Variants in MTERF2 observed in about 807,000 individuals in gnomAD.
MTERF2 encodes the protein mitochondrial transcription termination factor 2, also known as transcription termination factor 2, mitochondrial.
Under a neutral mutation model 29.2 loss-of-function variants are expected in MTERF2, and 23 were observed. The observed-to-expected ratio is 0.79, with a 90% CI of 0.57 to 1.12. The LOEUF (loss-of-function observed/expected upper bound fraction) is 1.12, where lower values mean the gene tolerates loss of function less well. Among genes scored for constraint, MTERF2 ranks in the 50% most tolerant of loss-of-function variants. The pLI is 0.00. For missense variants in MTERF2, 440 were observed against 429.4 expected (o/e 1.02, Z -0.22); for synonymous variants, 157 against 159.5 (o/e 0.98, Z 0.12).
rs763772541 is a variant in MTERF2, at chr12:106,978,130, A to G, written c.585T>C (p.Tyr195=). The G allele has an allele frequency of 3.2e-5, 51 of 1,614,060 alleles. No homozygotes were observed. The highest frequency in any genetic ancestry group is 5.5e-5 in the South Asian group (5 of 91,066). The part of the protein sequence containing the change: ...KQMVRILQES[Y]LDVGGSEANM... Reference sequence around the variant, plus strand: ...TGGCCTCAGAGCCACCTACATCTAGATAACTCTCTTGGAGAATTCTTACCA... The same window carrying G: ...TGGCCTCAGAGCCACCTACATCTAGGTAACTCTCTTGGAGAATTCTTACCA... The change falls in exon 3 of 3, where the codon TAT becomes TAC. Residue 195 remains tyrosine (Y), a synonymous_variant. Transcript: ENST00000240050.
intron 1 of MTERF2, 98 bp downstream of exon 1, chr12:106,986,871 G>A (rs1952124527): frequency 6.6e-6 from 1 of 152,426 alleles, no homozygotes; most frequent in Non-Finnish European, 1.5e-5. Context: ...GGCAGGCTGA[G>A]CTGAGCGTCT....
intron 2 of MTERF2, among the ~76,000 whole-genome samples, chr12:106,984,716 C>T (rs941168370): frequency 2.6e-5 from 4 of 152,112 alleles, no homozygotes; most frequent in African/African-American, 9.7e-5. Context: ...AGGGGAAACC[C>T]CTTTCGCTTG....
rs1429180844 is a variant in MTERF2 at position 106,978,137 on chromosome 12, T to C, written c.578A>G (p.Glu193Gly). The change falls in exon 3 of 3, where the codon GAG (glutamate) becomes GGG (glycine). Residue 193 changes from glutamate (E) to glycine (G), a missense_variant. Physicochemically the swap from Glu to Gly is moderately conservative, Grantham distance 98. Transcript: ENST00000240050. ...AGAGCCACCTACATCTAGATAACTC[T>C]CTTGGAGAATTCTTACCATTTGCTT... is the stretch of plus-strand genomic sequence containing the variant. ...KNKQMVRILQ[E>G]SYLDVGGSEA... 1 of 1,614,112 alleles carries C rather than the reference T, an allele frequency of 6.2e-7. No individual in the cohort carries two copies. The highest frequency in any genetic ancestry group is 8.5e-7 in the Non-Finnish European group (1 of 1,180,016).
intron 2 of MTERF2, among the ~76,000 whole-genome samples, chr12:106,984,009 G>A (rs114508224): frequency 0.014 from 2,077 of 152,170 alleles, 40 homozygotes; most frequent in African/African-American, 0.039. Context: ...CAGTGCCCTT[G>A]CCTCCTATCT....
chr12:106,982,534 T>A (rs926337826), intron 2 of MTERF2, among the ~76,000 whole-genome samples: 1 of 151,836 alleles, frequency 6.6e-6, no homozygotes, highest in Non-Finnish European at 1.5e-5. Context: ...TATTTGTATC[T>A]AATTTATCTT....
chr12:106,977,741 A>T lies in MTERF2; in HGVS notation c.974T>A (p.Leu325Ter), dbSNP rs1442485831. Reference protein sequence around the residue: ...QIRETPMVLELTPQIVQYRIR... With the variant: ...QIRETPMVLE ...CCTGTACTGTACTATCTGTGGTGTTAATTCAAGAACCATTGGCGTCTCTCT... is the reference window on the plus strand; with the variant it reads ...CCTGTACTGTACTATCTGTGGTGTTTATTCAAGAACCATTGGCGTCTCTCT... Residue 325 changes from leucine to a stop codon, truncating the protein, a stop_gained, in exon 3 of 3, where the codon TTA (leucine) becomes TAA (stop). Coordinates refer to ENST00000240050, the MANE Select transcript of MTERF2 (RefSeq NM_001033050.3). LOFTEE classifies it high-confidence loss of function. The T allele has an allele frequency of 5.6e-6, 9 of 1,613,980 alleles. No homozygotes were observed. The highest frequency in any genetic ancestry group is 1.3e-5 in the African/African-American group (1 of 75,028).
rs1952017806 is a variant in MTERF2 at position 106,978,545 on chromosome 12, A to G, written c.170T>C (p.Val57Ala). 4.3e-6 allele frequency: 7 copies of G among 1,614,250 alleles called. No homozygotes were observed. Among genetic ancestry groups the G allele is most frequent in the Non-Finnish European group, 5.9e-6 (7 of 1,180,046 alleles). The change falls in exon 3 of 3, where the codon GTT (valine) becomes GCT (alanine). Residue 57 changes from valine to alanine, a missense_variant. Val to Ala is a moderately conservative substitution (Grantham distance 64). Coordinates refer to ENST00000240050, the MANE Select transcript of MTERF2 (RefSeq NM_001033050.3). ...RTVEKLYKCS[V>A]DIRKIRRLKG... ...TAATCTACGAATTTTCCTAATGTCA[A>G]CTGAACATTTATAGAGCTTTTCCAC...
Position 106,978,304 on chromosome 12 carries a change from T to C in MTERF2, c.411A>G (p.Pro137=). 2.5e-6 allele frequency: 4 copies of C among 1,614,188 alleles called. No homozygotes were observed. The South Asian group carries it at 4.4e-5, about 18-fold the overall frequency. ...EELIKLIEQF[P]ESFFTIKDQE... ...GGTCTTTAATAGTAAAGAAAGATTC[T>C]GGAAACTGCTCTATTAACTTGATTA... Residue 137 remains proline, a synonymous_variant, in exon 3 of 3, where the codon CCA becomes CCG. Coordinates refer to ENST00000240050, the MANE Select transcript of MTERF2 (RefSeq NM_001033050.3).
intron 1 of MTERF2, chr12:106,985,882 A>C (rs1021923027): frequency 1.3e-5 from 2 of 152,222 alleles, no homozygotes; most frequent in African/African-American, 4.8e-5. Context: ...ACACTTCTTC[A>C]CACCTCTGTT....
At chr12:106,984,639 AG>A (rs2136802169) in intron 2 of MTERF2, among the ~76,000 whole-genome samples, 1 of 152,288 alleles carries the variant, frequency 6.6e-6, no homozygotes, top group African/African-American at 2.4e-5. Flanking sequence ...ATTAAATCAT[AG>A]GGGTGGTTTC....
At chr12:106,985,650 G>C (rs1254336051) in intron 1 of MTERF2, 1 of 152,280 alleles carries the variant, frequency 6.6e-6, no homozygotes, top group East Asian at 1.9e-4. Flanking sequence ...CCAATGAACT[G>C]CTTCCCTATC....
rs184812167 is a variant in MTERF2 at position 106,982,824 on chromosome 12, A to G, written c.-58+2291T>C. Among the ~76,000 whole-genome samples the G allele has an allele frequency of 2.7e-3, 412 of 152,326 alleles. 2 individuals are homozygous for G. The highest frequency in any genetic ancestry group is 8.9e-3 in the African/African-American group (372 of 41,576). ...AGCTGCTAAATTTCCTGTCAGGAAA[A>G]ACTATCTCAGTTGACATTCTCACAG... On this transcript the variant is annotated intron_variant, in intron 2 of 2. Transcript: ENST00000240050.
rs1227764808 is a variant in MTERF2 at position 106,985,184 on chromosome 12, ACTT to A, written c.-130_-128del. 1.3e-5 allele frequency: 2 copies of A among 152,264 alleles called. No individual in the cohort carries two copies. The highest frequency in any genetic ancestry group is 1.9e-4 in the East Asian group (1 of 5,196). The allele number at this position is 152,264 out of a possible 1,614,324, so 9.4% of individuals were successfully genotyped here. A position where few individuals can be genotyped will look rare whatever the true frequency, so the allele number is the denominator to read the frequency against. ...GTTCATCCACTTGGGATTCTTTCCA[ACTT>A]CTTCTCAAAATGTGATCTTGTCAGT... On this transcript the variant is annotated 5_prime_UTR_variant, in exon 2 of 3. Transcript: ENST00000240050.
chr12:106,984,779 G>A (rs1403993476), intron 2 of MTERF2, among the ~76,000 whole-genome samples: 1 of 151,992 alleles, frequency 6.6e-6, no homozygotes, highest in East Asian at 1.9e-4. Flanking sequence ...TTCACCTTCC[G>A]CCATGATTGT....
intron 2 of MTERF2, among the ~76,000 whole-genome samples, chr12:106,983,333 C>G (rs1952073471): frequency 6.6e-6 from 1 of 152,166 alleles, no homozygotes; most frequent in Admixed American, 6.5e-5. Flanking sequence ...CTCCAGACAC[C>G]AGTTACCTCT....
Position 106,977,827 on chromosome 12 carries a change from A to G in MTERF2, c.888T>C (p.Val296=). ...CTTGCATTCTCTCTTCTAAAACTGG[A>G]ACAGAATAATATAAAAGGGCAGGAC... ...LKCPALLYYS[V]PVLEERMQGL... The change falls in exon 3 of 3, where the codon GTT becomes GTC. Residue 296 remains valine, a synonymous_variant. Transcript: ENST00000240050. The G allele has an allele frequency of 6.2e-7, 1 of 1,613,954 alleles. No individual in the cohort carries two copies. The highest frequency in any genetic ancestry group is 8.5e-7 in the Non-Finnish European group (1 of 1,180,010).
chr12:106,977,460 TCTTAAAATTA>T lies in MTERF2; in HGVS notation c.*87_*96del. ...AATACAACACAGAAGCTAAGCAGGT[TCTTAAAATTA>T]CTGGTGTCTACAAACTGCCTGAATT... On this transcript the variant is annotated 3_prime_UTR_variant, in exon 3 of 3. Coordinates refer to ENST00000240050, the MANE Select transcript of MTERF2 (RefSeq NM_001033050.3). 1 of 1,040,906 alleles carries T rather than the reference TCTTAAAATTA, an allele frequency of 9.6e-7. No individual in the cohort carries two copies. 64.5% of individuals were successfully genotyped at this position (1,040,906 alleles called of 1,614,324 possible). A position where few individuals can be genotyped will look rare whatever the true frequency, so the allele number is the denominator to read the frequency against.
At chr12:106,978,835 C>A in intron 2 of MTERF2, 64 bp from the exon 3 acceptor site, 1 of 771,052 alleles carries the variant, frequency 1.3e-6, no homozygotes, top group Non-Finnish European at 2.0e-6. Flanking sequence ...CATACACTTA[C>A]AAATTTGAGC....
intron 2 of MTERF2, among the ~76,000 whole-genome samples, chr12:106,983,381 G>A (rs139530353): frequency 3.4e-4 from 51 of 152,164 alleles, no homozygotes; most frequent in African/African-American, 1.2e-3. Flanking sequence ...CCTATTCTAG[G>A]TACTTTTTAT....
Sources: gnomAD v4.1 joint callset for allele counts (sites outside exome capture counted in the v4.1 genomes callset) on GRCh38, gnomAD v4.1.1 for gene constraint, MANE v1.5 for transcripts, NCBI Gene and HGNC (gene_info 2026-07-23, HGNC 2026-07-21) for gene names.